The following COMMD1 variants were observed in gnomAD, a reference collection of about 807,000 sequenced individuals.
COMMD1 encodes COMM domain-containing protein 1.
Under a neutral mutation model 17.2 loss-of-function variants are expected in COMMD1, and 10 were observed. The observed-to-expected ratio is 0.58, with a 90% confidence interval of 0.36 to 0.99. The LOEUF is 0.99. COMMD1 is among the 50% of genes least tolerant of loss of function. COMMD1 has a pLI of 0.01. For synonymous variants in COMMD1, 97 were observed against 91.6 expected (o/e 1.06, Z -0.34); for missense variants, 270 against 231.8 (o/e 1.17, Z -1.07).
chr2:61,891,462 G>A (rs781287541), intron 1 of COMMD1, among the ~76,000 whole-genome samples: 15 of 152,230 alleles, frequency 9.9e-5, no homozygotes, highest in South Asian at 6.2e-4. Flanking sequence ...ATGGCCGGGC[G>A]TGGTGGCTCA....
chr2:61,972,763 A>G (rs1386426274), intron 1 of COMMD1, among the ~76,000 whole-genome samples: 1 of 152,174 alleles, frequency 6.6e-6, no homozygotes, highest in African/African-American at 2.4e-5. Flanking sequence ...GTGCTTATCA[A>G]TCTCATGCAT....
intron 1 of COMMD1, among the ~76,000 whole-genome samples, chr2:61,976,014 G>A (rs1284306363): frequency 6.6e-6 from 1 of 152,082 alleles, no homozygotes; most frequent in Non-Finnish European, 1.5e-5. Context: ...TTTCAGCTGT[G>A]TTCTGCCTAC....
chr2:62,107,717 G>A (rs553660195), intron 2 of COMMD1, among the ~76,000 whole-genome samples: 5 of 152,256 alleles, frequency 3.3e-5, no homozygotes, highest in East Asian at 1.9e-4. Flanking sequence ...TACTTATAAT[G>A]TGGTTAGTTA....
chr2:62,005,157 C>G (rs1669075638), intron 2 of COMMD1, among the ~76,000 whole-genome samples: 2 of 152,118 alleles, frequency 1.3e-5, no homozygotes, highest in South Asian at 4.1e-4. Flanking sequence ...TTTAAAGCTG[C>G]CCAGATGATT....
At chr2:61,962,728 AC>A (rs980529126) in intron 1 of COMMD1, among the ~76,000 whole-genome samples, 84 of 152,188 alleles carry the variant, frequency 5.5e-4, no homozygotes, top group East Asian at 5.8e-4. Context: ...TTGTTATTGC[AC>A]CTGTGTGATA....
At chr2:61,918,736 T>C (rs1408028490) in intron 1 of COMMD1, 3 of 152,334 alleles carry the variant, frequency 2.0e-5, no homozygotes, top group African/African-American at 2.4e-5. Context: ...CCCTATCTTA[T>C]ATATGATAAA....
At chr2:62,103,839 G>A (rs565726548) in intron 2 of COMMD1, among the ~76,000 whole-genome samples, 51 of 151,970 alleles carry the variant, frequency 3.4e-4, no homozygotes, top group East Asian at 2.1e-3. Flanking sequence ...AATGTGTGCC[G>A]TCAGTATTTT....
At chr2:62,026,428 A>G (rs911142583) in intron 2 of COMMD1, among the ~76,000 whole-genome samples, 5 of 152,174 alleles carry the variant, frequency 3.3e-5, no homozygotes, top group South Asian at 2.1e-4. Flanking sequence ...TTGAGAATTC[A>G]CTCACTATGG....
chr2:62,108,442 A>C (rs958453121), intron 2 of COMMD1, among the ~76,000 whole-genome samples: 82 of 152,204 alleles, frequency 5.4e-4, no homozygotes, highest in African/African-American at 1.9e-3. Context: ...TACCATTTTT[A>C]ACAAAAAGTG....
chr2:61,970,782 A>G (rs1012866181), intron 1 of COMMD1, among the ~76,000 whole-genome samples: 2 of 152,214 alleles, frequency 1.3e-5, no homozygotes, highest in African/African-American at 4.8e-5. Flanking sequence ...ATTTGGATCA[A>G]TAAGATATTC....
chr2:62,063,996 G>A (rs956379032), intron 2 of COMMD1, among the ~76,000 whole-genome samples: 3 of 149,098 alleles, frequency 2.0e-5, no homozygotes, highest in Non-Finnish European at 4.5e-5. Context: ...GAAGTGAGTG[G>A]TGATCACACC....
chr2:61,906,540 C>T (rs1245596406), intron 1 of COMMD1, among the ~76,000 whole-genome samples: 2 of 152,218 alleles, frequency 1.3e-5, no homozygotes, highest in East Asian at 1.9e-4. Flanking sequence ...GCACATATCT[C>T]GGACTTGCCA....
chr2:62,042,159 A>G (rs1049415261), intron 2 of COMMD1, among the ~76,000 whole-genome samples: 1 of 152,194 alleles, frequency 6.6e-6, no homozygotes, highest in Non-Finnish European at 1.5e-5. Flanking sequence ...ACCTTTAGCT[A>G]GACACACAGC....
chr2:62,078,078 A>G (rs1671398250), intron 2 of COMMD1, among the ~76,000 whole-genome samples: 1 of 151,876 alleles, frequency 6.6e-6, no homozygotes, highest in Admixed American at 6.6e-5. Flanking sequence ...GATCGAGACT[A>G]TCCTGACTAA....
chr2:62,125,340 A>G (rs115531729), intron 2 of COMMD1, among the ~76,000 whole-genome samples: 1,808 of 152,250 alleles, frequency 0.012, 36 homozygotes, highest in African/African-American at 0.04. Context: ...ATGGGTATCT[A>G]TTGAGTTTGG....
At chr2:61,981,436 G>A (rs991017560) in intron 1 of COMMD1, among the ~76,000 whole-genome samples, 5 of 152,064 alleles carry the variant, frequency 3.3e-5, no homozygotes, top group Non-Finnish European at 5.9e-5. Context: ...CACTTTTGTC[G>A]AAAATGAGTT....
intron 1 of COMMD1, among the ~76,000 whole-genome samples, chr2:61,969,964 A>C (rs2103720246): frequency 6.6e-6 from 1 of 152,130 alleles, no homozygotes; most frequent in East Asian, 1.9e-4. Flanking sequence ...GCAGAATGAG[A>C]ATAATCATAG....
intron 2 of COMMD1, among the ~76,000 whole-genome samples, chr2:62,106,240 A>G (rs1029541459): frequency 6.6e-6 from 1 of 152,244 alleles, no homozygotes; most frequent in African/African-American, 2.4e-5. Context: ...GCACATGTAC[A>G]TCATTTTTAA....
chr2:61,909,593 G>GA (rs1186068088), intron 1 of COMMD1, among the ~76,000 whole-genome samples: 1 of 152,172 alleles, frequency 6.6e-6, no homozygotes, highest in East Asian at 1.9e-4. Context: ...GAGGAGGCAA[G>GA]AAAAAAATGA....
Sources: allele counts gnomAD v4.1 joint callset (sites outside exome capture counted in the v4.1 genomes callset), GRCh38; gene constraint gnomAD v4.1.1; transcripts MANE v1.5; gene names NCBI Gene and HGNC (gene_info 2026-07-23, HGNC 2026-07-21).